The following HIVEP3 variants were observed in gnomAD, a reference collection of about 807,000 sequenced individuals.
HIVEP3 encodes transcription factor HIVEP3.
Under a neutral mutation model 152.8 loss-of-function variants are expected in HIVEP3, and 49 were observed. The observed-to-expected ratio is 0.32, with a 90% CI of 0.26 to 0.41. HIVEP3 has a LOEUF of 0.41. HIVEP3 is among the 10% of genes least tolerant of loss of function. The pLI, the probability that HIVEP3 is intolerant of heterozygous loss-of-function variation, is 1.00. For synonymous variants in HIVEP3, 1,269 were observed against 1,289.0 expected, an observed-to-expected ratio of 0.98 and a Z score of 0.33; for missense variants, 2,790 against 3,103.3, an observed-to-expected ratio of 0.90 and a Z score of 2.40.
At chr1:41,946,519 A>C (rs1301107125) in intron 1 of HIVEP3, among the ~76,000 whole-genome samples, 1 of 152,198 alleles carries the variant, frequency 6.6e-6, no homozygotes, top group East Asian at 1.9e-4. Flanking sequence ...CTAAGTTGTG[A>C]CTGGGGAACT....
chr1:41,579,801 G>T lies in HIVEP3; in HGVS notation c.4997C>A (p.Thr1666Lys). The T allele has an allele frequency of 6.2e-7, 1 of 1,610,328 alleles. No individual in the cohort carries two copies. The highest frequency in any genetic ancestry group is 8.5e-7 in the Non-Finnish European group (1 of 1,177,034). The change falls in exon 4 of 9, where the codon ACA (threonine) becomes AAA (lysine). Residue 1666 changes from threonine to lysine, a missense_variant. Thr to Lys is a moderately conservative substitution (Grantham distance 78, BLOSUM62 -1). Transcript: ENST00000372583. ...KVSKETYTMA[T>K]APHPEAGRLV... is the part of the protein sequence containing the mutation. ...CCTTCCTGCCTCAGGATGCGGAGCT[G>T]TGGCCATGGTGTATGTCTCTTTGCT...
At chr1:41,733,082 G>T (rs879297948) in intron 1 of HIVEP3, among the ~76,000 whole-genome samples, 1 of 152,196 alleles carries the variant, frequency 6.6e-6, no homozygotes, top group African/African-American at 2.4e-5. Context: ...ATCACATGGA[G>T]GAAATGTTCT....
At chr1:41,526,265 C>T (rs529941926) in intron 5 of HIVEP3, among the ~76,000 whole-genome samples, 1 of 149,602 alleles carries the variant, frequency 6.7e-6, no homozygotes, top group African/African-American at 2.5e-5. Context: ...ATGCTCACAC[C>T]CACACACTCA....
intron 1 of HIVEP3, among the ~76,000 whole-genome samples, chr1:41,771,662 GTT>G (rs1648379351): frequency 6.6e-6 from 1 of 151,902 alleles, no homozygotes; most frequent in African/African-American, 2.4e-5. Flanking sequence ...GGCTTGGCAG[GTT>G]TTTTTGTTTT....
intron 1 of HIVEP3, among the ~76,000 whole-genome samples, chr1:41,964,440 A>G (rs1460077727): frequency 6.6e-6 from 1 of 152,110 alleles, no homozygotes; most frequent in Admixed American, 6.5e-5. Context: ...AGCCCACACA[A>G]CCAGGGTCTT....
At chr1:41,671,303 G>T (rs1170460413) in intron 2 of HIVEP3, among the ~76,000 whole-genome samples, 2 of 152,248 alleles carry the variant, frequency 1.3e-5, no homozygotes, top group Non-Finnish European at 2.9e-5. Context: ...AAGCAGATCC[G>T]CTCCGAAGCC....
intron 2 of HIVEP3, among the ~76,000 whole-genome samples, chr1:41,682,422 A>C (rs1201284072): frequency 6.6e-6 from 1 of 152,074 alleles, no homozygotes; most frequent in Non-Finnish European, 1.5e-5. Context: ...CAGCCCCTGA[A>C]TTGGCCCAGC....
intron 5 of HIVEP3, among the ~76,000 whole-genome samples, chr1:41,527,300 C>CT (rs1643008264): frequency 1.9e-5 from 2 of 105,168 alleles, no homozygotes; most frequent in Non-Finnish European, 2.1e-5. Context: ...CACCCTCACA[C>CT]CCTCACACTT....
chr1:41,926,131 G>A (rs1473525131), intron 1 of HIVEP3, among the ~76,000 whole-genome samples: 2 of 152,088 alleles, frequency 1.3e-5, no homozygotes, highest in Non-Finnish European at 2.9e-5. Flanking sequence ...ATCTGTGAGA[G>A]GGAAATAATT....
intron 1 of HIVEP3, among the ~76,000 whole-genome samples, chr1:41,710,288 G>A (rs931332923): frequency 4.6e-5 from 7 of 152,110 alleles, no homozygotes; most frequent in Non-Finnish European, 1.0e-4. Flanking sequence ...TTCTAAAAGT[G>A]TACCCTCTTC....
chr1:41,564,925 G>A (rs1031906244), intron 5 of HIVEP3, among the ~76,000 whole-genome samples: 3 of 152,190 alleles, frequency 2.0e-5, no homozygotes, highest in African/African-American at 4.8e-5. Flanking sequence ...CACCACCATG[G>A]AGAGGGGAGC....
At chr1:41,735,803 C>A (rs1055901565) in intron 1 of HIVEP3, among the ~76,000 whole-genome samples, 24 of 152,188 alleles carry the variant, frequency 1.6e-4, no homozygotes, top group Non-Finnish European at 2.8e-4. Flanking sequence ...AAAGCCGCCT[C>A]TCGATCTTGG....
intron 1 of HIVEP3, among the ~76,000 whole-genome samples, chr1:41,980,286 C>T (rs142589169): frequency 2.7e-4 from 41 of 152,242 alleles, no homozygotes; most frequent in Non-Finnish European, 5.1e-4. Context: ...TTCATAATAG[C>T]CAAAAGGTAT....
intron 1 of HIVEP3, among the ~76,000 whole-genome samples, chr1:41,970,382 T>G (rs1645222210): frequency 2.0e-5 from 3 of 152,168 alleles, no homozygotes; most frequent in Non-Finnish European, 4.4e-5. Context: ...ATCAGGTCCT[T>G]CGCATGGATG....
chr1:41,516,308 G>C (rs1030524428), intron 7 of HIVEP3, among the ~76,000 whole-genome samples: 1 of 152,206 alleles, frequency 6.6e-6, no homozygotes, highest in African/African-American at 2.4e-5. Flanking sequence ...ACCATGGGCA[G>C]GGCCGGGGCG....
At chr1:41,632,295 C>T (rs935442560) in intron 2 of HIVEP3, among the ~76,000 whole-genome samples, 5 of 152,084 alleles carry the variant, frequency 3.3e-5, no homozygotes, top group East Asian at 1.9e-4. Flanking sequence ...TGGGTAGAGC[C>T]GGGTTGTAGG....
rs564179768 is a variant in HIVEP3 at position 41,775,847 on chromosome 1, T to G, written c.-800-74852A>C. 3.8e-4 allele frequency among the ~76,000 whole-genome samples: 58 copies of G among 152,282 alleles called. 1 individual carries two copies. Among genetic ancestry groups the G allele is most frequent in the Admixed American group, 1.5e-3 (23 of 15,300 alleles). On this transcript the variant is annotated intron_variant, in intron 1 of 8. Coordinates refer to ENST00000372583, the MANE Select transcript of HIVEP3 (RefSeq NM_024503.5). ...TCCATGATTTCATGGATTCACTGTA[T>G]GGCAAAATAAGCTCCTGACATCACA...
At chr1:41,948,998 C>T (rs980750096) in intron 1 of HIVEP3, among the ~76,000 whole-genome samples, 2 of 152,170 alleles carry the variant, frequency 1.3e-5, no homozygotes, top group Non-Finnish European at 2.9e-5. Flanking sequence ...CTGGAAATAA[C>T]CCATACCTCA....
rs1644912441 is a variant in HIVEP3, at chr1:41,918,727, G to C, written c.-1115C>G. On this transcript the variant is annotated 5_prime_UTR_variant, in exon 1 of 9. The change creates a new upstream start codon in the 5' untranslated region. Coordinates refer to ENST00000372583, the MANE Select transcript of HIVEP3 (RefSeq NM_024503.5). This position sits in a 1 kb window ranked among gnomAD's most constrained non-coding sequence, Gnocchi z 4.3. ...TGTGAGCATGCTCGCGCCGGGAACA[G>C]ATCCACCCTCTGTTATTCCTCTGAA... 1 of 152,178 alleles carries C rather than the reference G, an allele frequency of 6.6e-6. No homozygotes were observed. Among genetic ancestry groups the C allele is most frequent in the Admixed American group, 6.5e-5 (1 of 15,288 alleles). The allele number at this position is 152,178 out of a possible 1,614,324, so 9.4% of individuals were successfully genotyped here. A position where few individuals can be genotyped will look rare whatever the true frequency, so the allele number is the denominator to read the frequency against.
Sources: allele counts gnomAD v4.1 joint callset (sites outside exome capture counted in the v4.1 genomes callset), GRCh38; gene constraint gnomAD v4.1.1; non-coding constraint Gnocchi (gnomAD v3.1); transcripts MANE v1.5; gene names NCBI Gene and HGNC (gene_info 2026-07-23, HGNC 2026-07-21).